Variants in GALNT13 observed in about 807,000 individuals in gnomAD.
GALNT13 encodes polypeptide N-acetylgalactosaminyltransferase 13.
In GALNT13, 28 loss-of-function variants were observed where a neutral mutation model predicts 64.2. The observed-to-expected ratio is 0.44, with a 90% CI of 0.32 to 0.60. The LOEUF (loss-of-function observed/expected upper bound fraction) is 0.60. Among genes scored for constraint, GALNT13 ranks in the 20% least tolerant of loss-of-function variants. The pLI is 0.05. For synonymous variants in GALNT13, 214 were observed against 224.6 expected (o/e 0.95, Z 0.42); for missense variants, 577 against 669.8 (o/e 0.86, Z 1.53).
chr2:153,214,976 A>G, the GALNT13 span, among the ~76,000 whole-genome samples: 1 of 152,124 alleles, frequency 6.6e-6, no homozygotes, highest in Non-Finnish European at 1.5e-5. Flanking sequence ...GTGTTTACAC[A>G]TTAGAATGAG....
At chr2:153,086,320 C>A in the GALNT13 span, among the ~76,000 whole-genome samples, 1 of 152,120 alleles carries the variant, frequency 6.6e-6, no homozygotes, top group Non-Finnish European at 1.5e-5. Context: ...AATGTGAAGA[C>A]ATGAGATTTG....
the GALNT13 span, among the ~76,000 whole-genome samples, chr2:153,177,692 A>G: frequency 9.2e-5 from 14 of 152,148 alleles, no homozygotes; most frequent in African/African-American, 2.7e-4. Context: ...TAACATATCT[A>G]TAACTTCAAA....
At chr2:153,507,346 T>C in the GALNT13 span, among the ~76,000 whole-genome samples, 32 of 152,200 alleles carry the variant, frequency 2.1e-4, no homozygotes, top group African/African-American at 7.7e-4. Context: ...CAGTGTGCTA[T>C]CTCAGTTCAC....
At chr2:153,488,886 C>A in the GALNT13 span, among the ~76,000 whole-genome samples, 1 of 152,138 alleles carries the variant, frequency 6.6e-6, no homozygotes, top group Non-Finnish European at 1.5e-5. Context: ...AGGAACCTGA[C>A]GAAGGGAGTT....
chr2:153,199,357 T>C, the GALNT13 span, among the ~76,000 whole-genome samples: 7 of 152,326 alleles, frequency 4.6e-5, no homozygotes, highest in Non-Finnish European at 8.8e-5. Flanking sequence ...GGCTATGCAT[T>C]ATCCCTCACT....
At chr2:153,272,874 C>T in the GALNT13 span, among the ~76,000 whole-genome samples, 2 of 152,286 alleles carry the variant, frequency 1.3e-5, no homozygotes, top group Admixed American at 1.3e-4. Context: ...CCCAGATGCC[C>T]ATCAATGATA....
the GALNT13 span, among the ~76,000 whole-genome samples, chr2:153,600,135 G>A: frequency 3.9e-5 from 6 of 151,974 alleles, no homozygotes; most frequent in Non-Finnish European, 7.4e-5. Flanking sequence ...AGGCCAGGGG[G>A]CAGAGCTGAG....
chr2:153,890,456 G>C (rs894505893), intron 1 of GALNT13, among the ~76,000 whole-genome samples: 4 of 151,888 alleles, frequency 2.6e-5, no homozygotes, highest in African/African-American at 9.7e-5. Context: ...TAAGAATTCT[G>C]ATCTCATACA....
intron 4 of GALNT13, among the ~76,000 whole-genome samples, chr2:154,198,429 T>G (rs900554876): frequency 5.3e-5 from 8 of 152,058 alleles, no homozygotes; most frequent in African/African-American, 1.9e-4. Flanking sequence ...AATTTACTAT[T>G]TTGGTCATTT....
chr2:153,941,919 C>G (rs1297676444), intron 2 of GALNT13, among the ~76,000 whole-genome samples: 2 of 152,066 alleles, frequency 1.3e-5, no homozygotes, highest in African/African-American at 2.4e-5. Flanking sequence ...TAATATATAG[C>G]ACTAGCAGGC....
chr2:153,350,003 T>G, the GALNT13 span, among the ~76,000 whole-genome samples: 1 of 152,160 alleles, frequency 6.6e-6, no homozygotes, highest in East Asian at 1.9e-4. Flanking sequence ...GGGCCGAACC[T>G]CCTTTCTGTA....
chr2:153,215,764 T>G, the GALNT13 span, among the ~76,000 whole-genome samples: 2 of 152,016 alleles, frequency 1.3e-5, no homozygotes, highest in African/African-American at 4.8e-5. Flanking sequence ...TCTAGCATTT[T>G]TTTTTTCATT....
At chr2:154,190,143 T>C (rs566817019) in intron 4 of GALNT13, among the ~76,000 whole-genome samples, 1 of 152,186 alleles carries the variant, frequency 6.6e-6, no homozygotes, top group Non-Finnish European at 1.5e-5. Flanking sequence ...GAGAGGACTG[T>C]AACTCAATTT....
the GALNT13 span, among the ~76,000 whole-genome samples, chr2:153,720,518 A>G: frequency 6.6e-6 from 1 of 150,970 alleles, no homozygotes; most frequent in African/African-American, 2.4e-5. Context: ...ACTCTGAGCT[A>G]CGGGAGGACA....
At chr2:153,799,695 A>G in the GALNT13 span, among the ~76,000 whole-genome samples, 3 of 152,160 alleles carry the variant, frequency 2.0e-5, no homozygotes, top group South Asian at 6.2e-4. Flanking sequence ...CGTATCAGAT[A>G]TGATTCTATG....
intron 3 of GALNT13, among the ~76,000 whole-genome samples, chr2:153,971,253 A>G (rs183973470): frequency 6.6e-6 from 1 of 152,240 alleles, no homozygotes; most frequent in East Asian, 1.9e-4. Context: ...TTGAAAAGGT[A>G]AATTGTTCCC....
chr2:153,422,479 T>C, the GALNT13 span, among the ~76,000 whole-genome samples: 2 of 152,166 alleles, frequency 1.3e-5, no homozygotes, highest in African/African-American at 4.8e-5. Context: ...GCTGTACAAT[T>C]GTACTTAACA....
At chr2:153,869,371 T>C (rs901962413), upstream of GALNT13, among the ~76,000 whole-genome samples, 1 of 152,178 alleles carries the variant, frequency 6.6e-6, no homozygotes. Context: ...GGATTACACA[T>C]TGCATTTAGT....
chr2:154,187,771 CAA>C (rs1686339488), intron 4 of GALNT13, among the ~76,000 whole-genome samples: 1 of 152,006 alleles, frequency 6.6e-6, no homozygotes, highest in African/African-American at 2.4e-5. Flanking sequence ...TGCATACATA[CAA>C]AATATTAAAA....
Sources: gnomAD v4.1 joint callset for allele counts (sites outside exome capture counted in the v4.1 genomes callset) on GRCh38, gnomAD v4.1.1 for gene constraint, MANE v1.5 for transcripts, NCBI Gene and HGNC (gene_info 2026-07-23, HGNC 2026-07-21) for gene names.